DLG2: variants seen among roughly 807,000 people sequenced by gnomAD.
DLG2 encodes the protein disks large homolog 2.
Under a neutral mutation model 132.5 loss-of-function variants are expected in DLG2, and 45 were observed. The observed-to-expected ratio is 0.34, with a 90% CI of 0.27 to 0.44. The LOEUF is 0.44. Among genes scored for constraint, DLG2 ranks in the 20% least tolerant of loss-of-function variants. The pLI, the probability that DLG2 is intolerant of heterozygous loss-of-function variation, is 1.00. For synonymous variants in DLG2, 424 were observed against 419.6 expected (o/e 1.01, Z -0.13); for missense variants, 1,045 against 1,196.9 (o/e 0.87, Z 1.87).
intron 7 of DLG2, among the ~76,000 whole-genome samples, chr11:84,321,218 A>G (rs902350488): frequency 2.0e-5 from 3 of 152,112 alleles, no homozygotes; most frequent in African/African-American, 7.2e-5. Context: ...ATTTCTTTCA[A>G]TCACCATGAT....
intron 3 of DLG2, among the ~76,000 whole-genome samples, chr11:85,500,660 C>T (rs375902719): frequency 2.0e-5 from 3 of 151,966 alleles, no homozygotes; most frequent in Non-Finnish European, 2.9e-5. Flanking sequence ...AGTGAATTCC[C>T]ATTCACAATT....
chr11:85,443,496 T>C lies in DLG2; in HGVS notation c.40+155161A>G, dbSNP rs185197377. ...TAATATTCTATGTTTCTCTGTGATA[T>C]GTGAAAACTTTACGTTTGAAAGTCA... On this transcript the variant is annotated intron_variant, in intron 3 of 27. Transcript: ENST00000376104. Among the ~76,000 whole-genome samples, 3 of 152,318 alleles carry C rather than the reference T, an allele frequency of 2.0e-5. No individual in the cohort carries two copies. The East Asian group carries it at 5.8e-4, about 29-fold the overall frequency.
intron 21 of DLG2, among the ~76,000 whole-genome samples, chr11:83,506,177 T>A (rs2094690078): frequency 6.6e-6 from 1 of 152,202 alleles, no homozygotes; most frequent in South Asian, 2.1e-4. Flanking sequence ...CTAAACTTGG[T>A]CCTAGAATTT....
At chr11:85,261,512 G>A (rs1400416810) in intron 4 of DLG2, among the ~76,000 whole-genome samples, 1 of 152,034 alleles carries the variant, frequency 6.6e-6, no homozygotes, top group African/African-American at 2.4e-5. Context: ...TTGAGAGTCT[G>A]TCAGCAGACC....
At chr11:83,958,238 C>CTAA (rs1238848436) in intron 14 of DLG2, among the ~76,000 whole-genome samples, 2 of 152,092 alleles carry the variant, frequency 1.3e-5, no homozygotes, top group African/African-American at 4.8e-5. Context: ...AATTCGGAGA[C>CTAA]AATAGAGTAG....
intron 7 of DLG2, among the ~76,000 whole-genome samples, chr11:84,495,652 A>G (rs182680005): frequency 4.1e-4 from 62 of 152,262 alleles, no homozygotes; most frequent in Middle Eastern, 6.8e-3. Flanking sequence ...CTCAAACTGT[A>G]TATCATTCTC....
At chr11:83,888,521 C>G (rs1406368769) in intron 15 of DLG2, among the ~76,000 whole-genome samples, 1 of 152,170 alleles carries the variant, frequency 6.6e-6, no homozygotes, top group African/African-American at 2.4e-5. Context: ...AATTGCCATA[C>G]TGCCCAAGGT....
chr11:85,224,509 C>T (rs2074857751), intron 4 of DLG2, among the ~76,000 whole-genome samples: 1 of 152,080 alleles, frequency 6.6e-6, no homozygotes, highest in African/African-American at 2.4e-5. Context: ...TGTTACTGTC[C>T]AGGCTGTTTA....
intron 11 of DLG2, among the ~76,000 whole-genome samples, chr11:84,013,668 A>T (rs2095012532): frequency 6.6e-6 from 1 of 151,988 alleles, no homozygotes. Context: ...GAAGTTCGAG[A>T]TCAGCCTGGC....
chr11:84,492,679 A>G (rs1051793014), intron 7 of DLG2, among the ~76,000 whole-genome samples: 4 of 152,148 alleles, frequency 2.6e-5, no homozygotes, highest in Admixed American at 2.6e-4. Context: ...AGTAAGTGTT[A>G]GTTGCTGTTT....
chr11:85,244,543 A>T (rs575322240), intron 4 of DLG2, among the ~76,000 whole-genome samples: 2 of 152,094 alleles, frequency 1.3e-5, no homozygotes, highest in East Asian at 3.9e-4. Flanking sequence ...GGTGTAATGA[A>T]TTTGTGACAA....
intron 8 of DLG2, among the ~76,000 whole-genome samples, chr11:84,238,788 C>G (rs2097191225): frequency 1.3e-5 from 2 of 152,108 alleles, no homozygotes; most frequent in South Asian, 4.1e-4. Context: ...TGTCACTCTT[C>G]CTCTTTCTTT....
chr11:85,267,431 G>A (rs756164112), intron 4 of DLG2, among the ~76,000 whole-genome samples: 15 of 152,122 alleles, frequency 9.9e-5, no homozygotes, highest in East Asian at 3.9e-4. Flanking sequence ...ATGGGTGTAC[G>A]CCTGTCTTTC....
intron 7 of DLG2, among the ~76,000 whole-genome samples, chr11:84,452,337 A>G (rs1249941069): frequency 3.3e-5 from 5 of 151,700 alleles, no homozygotes; most frequent in African/African-American, 9.7e-5. Context: ...CAGATCTTGT[A>G]AGCCTCATAA....
At chr11:83,633,392 C>G in intron 18 of DLG2, 67 bp from the exon 19 acceptor site, 1 of 1,285,326 alleles carries the variant, frequency 7.8e-7, no homozygotes, top group Non-Finnish European at 1.1e-6. Flanking sequence ...GCTGCACAGC[C>G]CAGGCAGCCC....
intron 4 of DLG2, among the ~76,000 whole-genome samples, chr11:85,207,871 T>C (rs1049453248): frequency 6.6e-5 from 10 of 151,746 alleles, no homozygotes; most frequent in African/African-American, 2.4e-4. Flanking sequence ...TCCTTCTGCT[T>C]GATTGCCCTT....
intron 6 of DLG2, among the ~76,000 whole-genome samples, chr11:84,564,490 T>C (rs1234190144): frequency 1.3e-5 from 2 of 152,126 alleles, no homozygotes; most frequent in African/African-American, 4.8e-5. Flanking sequence ...GGGGGTTGCT[T>C]GGGAAAGAAT....
intron 5 of DLG2, among the ~76,000 whole-genome samples, chr11:85,153,195 G>C (rs1262362731): frequency 6.6e-6 from 1 of 152,124 alleles, no homozygotes; most frequent in Admixed American, 6.5e-5. Flanking sequence ...ATTTGTGATA[G>C]AGCCAAGATA....
At chr11:84,236,211 A>G (rs1484187496) in intron 8 of DLG2, among the ~76,000 whole-genome samples, 1 of 152,232 alleles carries the variant, frequency 6.6e-6, no homozygotes, top group Admixed American at 6.5e-5. Context: ...CAAAGCATAA[A>G]TTTATTAAAT....
Sources: allele counts gnomAD v4.1 joint callset (sites outside exome capture counted in the v4.1 genomes callset), GRCh38; gene constraint gnomAD v4.1.1; transcripts MANE v1.5; gene names NCBI Gene and HGNC (gene_info 2026-07-23, HGNC 2026-07-21).